The following UST variants were observed in gnomAD, a reference collection of about 807,000 sequenced individuals.
UST encodes chondroitin sulfate 2-O-sulfotransferase.
A neutral mutation model predicts 45.6 loss-of-function variants in UST; 21 were observed. That is an observed-to-expected ratio of 0.46 (90% confidence interval 0.33 to 0.66). UST has a LOEUF of 0.66. Ranked by LOEUF, UST falls within the 30% of genes least tolerant of loss-of-function variation. The pLI is 0.02. For synonymous variants in UST, 215 were observed against 200.6 expected (o/e 1.07, Z -0.61); for missense variants, 463 against 512.4 (o/e 0.90, Z 0.93).
intron 4 of UST, among the ~76,000 whole-genome samples, chr6:148,959,847 C>T (rs1275023407): frequency 1.3e-5 from 2 of 151,302 alleles, no homozygotes; most frequent in South Asian, 2.1e-4. Context: ...GGATGGTGGG[C>T]GGAGGGGAGT....
In UST at chr6:148,748,064, T is replaced by A. The variant is rs1428185859; in HGVS notation, c.247+387T>A. 6.6e-6 allele frequency among the ~76,000 whole-genome samples: 1 copy of A among 152,084 alleles called. No individual in the cohort carries two copies. Reference sequence around the variant, plus strand: ...GAGTGGCGAAGGGAAGGGAAGGTCCTCTTCGTTGCATTGTTAGTGACCGCA... The same window carrying A: ...GAGTGGCGAAGGGAAGGGAAGGTCCACTTCGTTGCATTGTTAGTGACCGCA... On this transcript the variant is annotated intron_variant, in intron 1 of 7. Coordinates refer to ENST00000367463, the MANE Select transcript of UST (RefSeq NM_005715.3). This position sits in a 1 kb window ranked among gnomAD's most constrained non-coding sequence, Gnocchi z 5.3.
chr6:149,057,595 A>G (rs758538398), intron 7 of UST, among the ~76,000 whole-genome samples: 3 of 152,216 alleles, frequency 2.0e-5, no homozygotes, highest in Non-Finnish European at 4.4e-5. Flanking sequence ...TGTGCATCTG[A>G]TATTATTGAG....
intron 7 of UST, among the ~76,000 whole-genome samples, chr6:149,052,406 C>G (rs1776500255): frequency 6.6e-6 from 1 of 152,150 alleles, no homozygotes. Flanking sequence ...TTCATTTAAT[C>G]CTAAGAACAA....
At position 148,817,371 on chromosome 6, in the gene UST, G is replaced by T. The variant is rs138868533; in HGVS notation, c.248-69615G>T. Among the ~76,000 whole-genome samples the T allele has an allele frequency of 6.6e-3, 1,010 of 152,296 alleles. 15 individuals are homozygous for T. Among genetic ancestry groups the T allele is most frequent in the African/African-American group, 0.023 (966 of 41,570 alleles). On this transcript the variant is annotated intron_variant, in intron 1 of 7. Transcript: ENST00000367463. Reference sequence around the variant, plus strand: ...TCAAACTCTGTAAAATATTTGAAGAGATTTATTCTGAGCCAAATATGAGTG... The same window carrying T: ...TCAAACTCTGTAAAATATTTGAAGATATTTATTCTGAGCCAAATATGAGTG...
intron 1 of UST, among the ~76,000 whole-genome samples, chr6:148,753,986 A>AT (rs1218393518): frequency 6.9e-6 from 1 of 144,786 alleles, no homozygotes; most frequent in Non-Finnish European, 1.5e-5. Flanking sequence ...GTCTATTCAC[A>AT]TTTTGCTGAT....
At chr6:148,785,346 A>G (rs1022196557) in intron 1 of UST, among the ~76,000 whole-genome samples, 9 of 152,206 alleles carry the variant, frequency 5.9e-5, no homozygotes, top group African/African-American at 1.9e-4. Context: ...TTACTACTCA[A>G]TAGCTAGATG....
At chr6:148,849,541 T>TG (rs1778065581) in intron 1 of UST, among the ~76,000 whole-genome samples, 1 of 152,184 alleles carries the variant, frequency 6.6e-6, no homozygotes, top group East Asian at 1.9e-4. Context: ...TACTTGAGAC[T>TG]GGGTAATTTT....
At chr6:148,820,667 G>T (rs894126147) in intron 1 of UST, among the ~76,000 whole-genome samples, 16 of 151,820 alleles carry the variant, frequency 1.1e-4, no homozygotes, top group Admixed American at 1.0e-3. Flanking sequence ...TGGCTAACAC[G>T]ATGAAACCCC....
intron 4 of UST, among the ~76,000 whole-genome samples, chr6:148,962,634 C>T (rs1187042729): frequency 6.6e-6 from 1 of 152,126 alleles, no homozygotes; most frequent in Non-Finnish European, 1.5e-5. Flanking sequence ...AGTTGTTCAT[C>T]CAGTTACATG....
intron 1 of UST, among the ~76,000 whole-genome samples, chr6:148,754,007 T>C (rs1333971789): frequency 3.3e-5 from 5 of 151,924 alleles, no homozygotes; most frequent in Admixed American, 3.3e-4. Context: ...TTTTTTTTTT[T>C]TTTTGAGATT....
intron 2 of UST, among the ~76,000 whole-genome samples, chr6:148,936,478 G>A (rs1349651112): frequency 6.6e-6 from 1 of 151,064 alleles, no homozygotes; most frequent in African/African-American, 2.4e-5. Flanking sequence ...AGACAGTTAT[G>A]CTGTTTCATT....
At chr6:149,041,960 G>A (rs747698617) in intron 7 of UST, among the ~76,000 whole-genome samples, 20 of 152,194 alleles carry the variant, frequency 1.3e-4, no homozygotes, top group Non-Finnish European at 1.3e-4. Flanking sequence ...GTCCTTCCCA[G>A]GGGAATTTCT....
At position 148,934,771 on chromosome 6, in the gene UST, TAGAG is replaced by T. The variant is rs937494326; in HGVS notation, c.292-6502_292-6499del. Among the ~76,000 whole-genome samples the T allele has an allele frequency of 6.6e-6, 1 of 152,176 alleles. No individual in the cohort carries two copies. The highest frequency in any genetic ancestry group is 1.5e-5 in the Non-Finnish European group (1 of 68,026). ...TGGCAGAGGGCCCTGGTGAGCTTTT[TAGAG>T]AGAGACTCCTGACTCTCATCCTAGA... On this transcript the variant is annotated intron_variant, in intron 2 of 7. Coordinates refer to ENST00000367463, the MANE Select transcript of UST (RefSeq NM_005715.3). This position sits in a 1 kb window ranked among gnomAD's most constrained non-coding sequence, Gnocchi z 4.1.
intron 2 of UST, among the ~76,000 whole-genome samples, chr6:148,910,261 C>T (rs1367163925): frequency 6.6e-6 from 1 of 151,900 alleles, no homozygotes; most frequent in Non-Finnish European, 1.5e-5. Flanking sequence ...CTGCCTCAGC[C>T]TCCCAAGTAG....
chr6:149,045,977 A>G (rs546981025), intron 7 of UST, among the ~76,000 whole-genome samples: 1 of 152,332 alleles, frequency 6.6e-6, no homozygotes, highest in South Asian at 2.1e-4. Context: ...CTGGGAAACC[A>G]TCACAGAAGC....
intron 1 of UST, among the ~76,000 whole-genome samples, chr6:148,802,882 A>G (rs949294418): frequency 1.3e-5 from 2 of 152,200 alleles, no homozygotes; most frequent in Non-Finnish European, 2.9e-5. Context: ...CCTTGCTAGC[A>G]CAGATTTTGA....
At chr6:148,900,154 C>T (rs955957279) in intron 2 of UST, among the ~76,000 whole-genome samples, 3 of 152,062 alleles carry the variant, frequency 2.0e-5, no homozygotes, top group Non-Finnish European at 4.4e-5. Context: ...GTAAATCTCC[C>T]TGGAGCCTTC....
chr6:148,956,623 AT>A (rs947721755), intron 4 of UST, among the ~76,000 whole-genome samples: 1 of 152,206 alleles, frequency 6.6e-6, no homozygotes, highest in Non-Finnish European at 1.5e-5. Context: ...TAAAAAGGCA[AT>A]TCTGTAGACG....
chr6:148,843,407 A>G (rs1363155792), intron 1 of UST, among the ~76,000 whole-genome samples: 2 of 152,236 alleles, frequency 1.3e-5, no homozygotes, highest in South Asian at 2.1e-4. Context: ...GATCCAATCA[A>G]TATGATTGCA....
Sources: allele counts gnomAD v4.1 joint callset (sites outside exome capture counted in the v4.1 genomes callset), GRCh38; gene constraint gnomAD v4.1.1; non-coding constraint Gnocchi (gnomAD v3.1); transcripts MANE v1.5; gene names NCBI Gene and HGNC (gene_info 2026-07-23, HGNC 2026-07-21).